The following AGPAT3 variants were observed in gnomAD, a reference collection of about 807,000 sequenced individuals.
The protein encoded by AGPAT3 is 1-acyl-sn-glycerol-3-phosphate acyltransferase gamma.
In AGPAT3, 5 loss-of-function variants were observed where a neutral mutation model predicts 47.3. The observed-to-expected ratio is 0.11, with a 90% CI of 0.06 to 0.22. The LOEUF is 0.22. Ranked by LOEUF, AGPAT3 falls within the 10% of genes least tolerant of loss-of-function variation. AGPAT3 has a pLI of 1.00. For synonymous variants in AGPAT3, 212 were observed against 208.3 expected (o/e 1.02, Z -0.15); for missense variants, 315 against 493.0 (o/e 0.64, Z 3.42).
intron 7 of AGPAT3, among the ~76,000 whole-genome samples, chr21:43,975,820 C>T (rs962372607): frequency 3.3e-5 from 5 of 152,164 alleles, no homozygotes; most frequent in African/African-American, 7.2e-5. Context: ...AGACAGTGCT[C>T]GGGGCAGCCC....
chr21:43,918,959 A>T (rs773647089), intron 2 of AGPAT3, among the ~76,000 whole-genome samples: 1 of 151,858 alleles, frequency 6.6e-6, no homozygotes, highest in Non-Finnish European at 1.5e-5. Flanking sequence ...TTAACTTTCT[A>T]CTTTACCATC....
In AGPAT3 at chr21:43,970,631, C is replaced by T. The variant is rs1188086882; in HGVS notation, c.511-22C>T. 1 of 1,612,534 alleles carries T rather than the reference C, an allele frequency of 6.2e-7. No homozygotes were observed. Among genetic ancestry groups the T allele is most frequent in the Admixed American group, 1.7e-5 (1 of 59,916 alleles). ...CACCCCAGCTGCTCTGTGGAGTGACCCTGTCTCCGTGTTGATCCTAGTTTC... is the reference window on the plus strand; with the variant it reads ...CACCCCAGCTGCTCTGTGGAGTGACTCTGTCTCCGTGTTGATCCTAGTTTC... On this transcript the variant is annotated intron_variant, in intron 5 of 9. Coordinates refer to ENST00000291572, the MANE Select transcript of AGPAT3 (RefSeq NM_020132.5). The surrounding 1 kb of genome is among the most constrained non-coding windows in gnomAD (Gnocchi z 5.8).
intron 2 of AGPAT3, among the ~76,000 whole-genome samples, chr21:43,944,963 A>G (rs367556395): frequency 2.6e-5 from 4 of 152,356 alleles, no homozygotes; most frequent in African/African-American, 9.6e-5. Flanking sequence ...CAGCTCCGGC[A>G]GGCAAGGGTC....
At chr21:43,893,980 A>C (rs1328567396) in intron 1 of AGPAT3, among the ~76,000 whole-genome samples, 2 of 152,212 alleles carry the variant, frequency 1.3e-5, no homozygotes, top group African/African-American at 4.8e-5. Flanking sequence ...AACGTGGCCG[A>C]TAGACTTGCT....
At chr21:43,957,342 G>A (rs1171588726) in intron 2 of AGPAT3, among the ~76,000 whole-genome samples, 1 of 152,180 alleles carries the variant, frequency 6.6e-6, no homozygotes, top group East Asian at 1.9e-4. Context: ...GGGCCGCCCT[G>A]GGAATGTGGA....
intron 5 of AGPAT3, 80 bp downstream of exon 5, chr21:43,969,359 C>A: frequency 6.4e-7 from 1 of 1,566,060 alleles, no homozygotes; most frequent in South Asian, 1.2e-5. Flanking sequence ...GCCCACATCC[C>A]AGGCTGGGAA....
At chr21:43,896,499 A>G (rs910383455) in intron 1 of AGPAT3, among the ~76,000 whole-genome samples, 1 of 152,264 alleles carries the variant, frequency 6.6e-6, no homozygotes, top group Non-Finnish European at 1.5e-5. Flanking sequence ...AGGGTCAGCA[A>G]ACTACAGCCT....
At chr21:43,978,607 T>G (rs2070544) in intron 8 of AGPAT3, among the ~76,000 whole-genome samples, 61,715 of 152,128 alleles carry the variant, frequency 0.41, 12,666 homozygotes, top group African/African-American at 0.48. Flanking sequence ...CCACACCTGG[T>G]CCCTTCTTCT....
intron 1 of AGPAT3, among the ~76,000 whole-genome samples, chr21:43,886,643 A>C (rs1338726240): frequency 6.6e-6 from 1 of 152,156 alleles, no homozygotes; most frequent in South Asian, 2.1e-4. Flanking sequence ...CTCTGTCTTC[A>C]TGAGTTCAGT....
At position 43,986,739 on chromosome 21, in the gene AGPAT3, T is replaced by G. The variant is rs542409107; in HGVS notation, c.*4347T>G. Among the ~76,000 whole-genome samples the G allele has an allele frequency of 2.6e-5, 4 of 152,358 alleles. No individual in the cohort carries two copies. The highest frequency in any genetic ancestry group is 9.6e-5 in the African/African-American group (4 of 41,598). On this transcript the variant is annotated 3_prime_UTR_variant, in exon 10 of 10. Transcript: ENST00000291572. ...CTGAGTGCGCATGACAGCCACTGGC[T>G]TCTTTTTCTATGATTGAAAATCTGC...
At chr21:43,940,042 C>T (rs1004880589) in intron 2 of AGPAT3, among the ~76,000 whole-genome samples, 4 of 152,236 alleles carry the variant, frequency 2.6e-5, no homozygotes, top group African/African-American at 7.2e-5. Context: ...GTGCTGGCCA[C>T]GCAGGTGGCA....
intron 3 of AGPAT3, among the ~76,000 whole-genome samples, chr21:43,963,437 C>T (rs935268977): frequency 4.6e-5 from 7 of 152,148 alleles, no homozygotes; most frequent in Non-Finnish European, 7.3e-5. Context: ...GAGCCGGGCG[C>T]GGTGGCTCAC....
intron 2 of AGPAT3, among the ~76,000 whole-genome samples, chr21:43,956,692 G>A (rs1017843998): frequency 3.3e-5 from 5 of 152,206 alleles, no homozygotes; most frequent in Admixed American, 6.5e-5. Flanking sequence ...GGGGTTGCAG[G>A]TGAGCTGAGG....
chr21:43,969,831 G>C (rs2089318328), intron 5 of AGPAT3, among the ~76,000 whole-genome samples: 1 of 152,054 alleles, frequency 6.6e-6, no homozygotes, highest in Non-Finnish European at 1.5e-5. Flanking sequence ...CCAAGTAGCT[G>C]ACATTACAGG....
chr21:43,895,712 C>G (rs1004651477), intron 1 of AGPAT3, among the ~76,000 whole-genome samples: 3 of 152,124 alleles, frequency 2.0e-5, no homozygotes, highest in African/African-American at 7.2e-5. Flanking sequence ...CTCAGCCTCC[C>G]AAGTATGGGA....
At chr21:43,877,842 G>T (rs1163339973) in intron 1 of AGPAT3, among the ~76,000 whole-genome samples, 1 of 151,998 alleles carries the variant, frequency 6.6e-6, no homozygotes, top group Non-Finnish European at 1.5e-5. Context: ...TCTATCTTCT[G>T]TCTCCACTGG....
In AGPAT3 at chr21:43,953,428, C is replaced by T. The variant is rs911306205; in HGVS notation, c.-48-6206C>T. ...GACGGACATGGAGGGAGTGCCGTGA[C>T]GTAGCCCAGGAGACCTTTTTAGCTT... is the stretch of plus-strand genomic sequence containing the variant. On this transcript the variant is annotated intron_variant, in intron 2 of 9. Coordinates refer to ENST00000291572, the MANE Select transcript of AGPAT3 (RefSeq NM_020132.5). Among the ~76,000 whole-genome samples the T allele has an allele frequency of 6.6e-5, 10 of 152,330 alleles. No homozygotes were observed. In the East Asian group the frequency reaches 7.7e-4, roughly 12 times the overall value.
At chr21:43,910,577 C>T (rs374947834) in intron 2 of AGPAT3, among the ~76,000 whole-genome samples, 6 of 152,292 alleles carry the variant, frequency 3.9e-5, no homozygotes, top group South Asian at 4.2e-4. Flanking sequence ...CGAGGAGGGC[C>T]GGCCTTCCCT....
At chr21:43,895,136 GCT>G (rs1384435101) in intron 1 of AGPAT3, among the ~76,000 whole-genome samples, 1 of 149,578 alleles carries the variant, frequency 6.7e-6, no homozygotes, top group African/African-American at 2.5e-5. Context: ...ACAGAGTCTT[GCT>G]CTGTCCCCCA....
Sources: gnomAD v4.1 joint callset for allele counts (sites outside exome capture counted in the v4.1 genomes callset) on GRCh38, gnomAD v4.1.1 for gene constraint, Gnocchi (gnomAD v3.1) non-coding constraint, MANE v1.5 for transcripts, NCBI Gene and HGNC (gene_info 2026-07-23, HGNC 2026-07-21) for gene names.